Variants in TENT4A observed in about 807,000 individuals in gnomAD.
TENT4A encodes the protein terminal nucleotidyltransferase 4A.
In TENT4A, 7 loss-of-function variants were observed where a neutral mutation model predicts 72.8. That is an observed-to-expected ratio of 0.10 (90% confidence interval 0.05 to 0.18). The LOEUF is 0.18. Ranked by LOEUF, TENT4A falls within the 10% of genes least tolerant of loss-of-function variation. The pLI is 1.00. For missense variants in TENT4A, 831 were observed against 1,017.7 expected (o/e 0.82, Z 2.50); for synonymous variants, 456 against 434.3 (o/e 1.05, Z -0.62).
intron 4 of TENT4A, among the ~76,000 whole-genome samples, chr5:6,741,950 G>A (rs1231873378): frequency 1.3e-5 from 2 of 152,204 alleles, no homozygotes; most frequent in African/African-American, 2.4e-5. Flanking sequence ...ATGCCATTCG[G>A]TGACAGTTCT....
intron 1 of TENT4A, among the ~76,000 whole-genome samples, chr5:6,736,660 C>T (rs1358281217): frequency 1.3e-5 from 2 of 152,242 alleles, no homozygotes; most frequent in African/African-American, 4.8e-5. Flanking sequence ...TAGGCTGGTG[C>T]CACTGGCCAC....
chr5:6,716,921 T>C (rs2126591832), intron 1 of TENT4A, among the ~76,000 whole-genome samples: 1 of 152,344 alleles, frequency 6.6e-6, no homozygotes, highest in Admixed American at 6.5e-5. Context: ...CTTGGGTGCA[T>C]CCGCTTCCTG....
chr5:6,756,458 C>T lies in TENT4A; in HGVS notation c.*1513C>T, dbSNP rs1392767586. ...ACCATGACATCTGATGCATGTGCAG[C>T]AGTGGGGAGTTCTAGATTGATCTCT... On this transcript the variant is annotated 3_prime_UTR_variant, in exon 13 of 13. Coordinates refer to ENST00000230859, the MANE Select transcript of TENT4A (RefSeq NM_006999.6). 2.6e-5 allele frequency: 4 copies of T among 152,498 alleles called. No homozygotes were observed. Among genetic ancestry groups the T allele is most frequent in the Non-Finnish European group, 5.9e-5 (4 of 68,034 alleles). 9.4% of individuals were successfully genotyped at this position (152,498 alleles called of 1,614,324 possible).
At chr5:6,731,726 T>G (rs1340405783) in intron 1 of TENT4A, among the ~76,000 whole-genome samples, 5 of 152,122 alleles carry the variant, frequency 3.3e-5, no homozygotes, top group African/African-American at 1.2e-4. Context: ...GTAACCAGAT[T>G]GGAGGAGGAG....
intron 1 of TENT4A, among the ~76,000 whole-genome samples, chr5:6,736,888 TC>T (rs879938095): frequency 1.3e-5 from 2 of 152,264 alleles, no homozygotes; most frequent in Non-Finnish European, 2.9e-5. Flanking sequence ...AGTATTGAAT[TC>T]GATCAGCTTT....
intron 1 of TENT4A, among the ~76,000 whole-genome samples, chr5:6,727,580 A>G (rs532542163): frequency 1.3e-5 from 2 of 152,128 alleles, no homozygotes; most frequent in African/African-American, 2.4e-5. Context: ...CCTGCTGTCC[A>G]TTGTGCCAGA....
chr5:6,715,122 A>T (rs1740300273), intron 1 of TENT4A: 1 of 153,228 alleles, frequency 6.5e-6, no homozygotes, highest in Non-Finnish European at 1.5e-5. Flanking sequence ...CGTCGAAGGT[A>T]AATATTAACC....
At position 6,743,696 on chromosome 5, in the gene TENT4A, CT is replaced by C. The variant is rs1275981046; in HGVS notation, c.1117-12del. The C allele has an allele frequency of 1.3e-6, 2 of 1,581,134 alleles. No individual in the cohort carries two copies. Among genetic ancestry groups the C allele is most frequent in the Non-Finnish European group, 1.7e-6 (2 of 1,154,742 alleles). ...TGGTAATTACTCAGTAAATCTTTTTCTTTTGGAATTTACAGAAATATTCATT... is the reference window on the plus strand; with the variant it reads ...TGGTAATTACTCAGTAAATCTTTTTCTTTGGAATTTACAGAAATATTCATT... On this transcript the variant is annotated splice_polypyrimidine_tract_variant and intron_variant, in intron 5 of 12. Coordinates refer to ENST00000230859, the MANE Select transcript of TENT4A (RefSeq NM_006999.6).
At position 6,714,640 on chromosome 5, in the gene TENT4A, C is replaced by A; in HGVS notation, c.657C>A (p.Ala219=). Residue 219 remains alanine (A), a synonymous_variant, in exon 1 of 13, where the codon GCC becomes GCA. Coordinates refer to ENST00000230859, the MANE Select transcript of TENT4A (RefSeq NM_006999.6). ...AALSGGGGPG[A]QAPRPGTPWK... ...TCAGCGGAGGGGGCGGCCCCGGGGC[C>A]CAGGCGCCGCGGCCCGGCACCCCGT... The A allele has an allele frequency of 5.0e-6, 6 of 1,199,248 alleles. No individual in the cohort carries two copies. In the Admixed American group the frequency reaches 2.7e-4, roughly 53 times the overall value. 74.3% of individuals were successfully genotyped at this position (1,199,248 alleles called of 1,614,324 possible).
intron 3 of TENT4A, among the ~76,000 whole-genome samples, chr5:6,738,976 A>T (rs1561037483): frequency 1.3e-5 from 2 of 152,236 alleles, no homozygotes. Flanking sequence ...TGCTGGAAAT[A>T]TGAAGAAGAC....
At chr5:6,735,974 G>A (rs762939806) in intron 1 of TENT4A, among the ~76,000 whole-genome samples, 17 of 152,082 alleles carry the variant, frequency 1.1e-4, no homozygotes, top group Non-Finnish European at 2.1e-4. Context: ...TTTTAGTCAG[G>A]ATGGTCTTGA....
chr5:6,746,575 A>G, intron 7 of TENT4A, 148 bp downstream of exon 7: 1 of 640,166 alleles, frequency 1.6e-6, no homozygotes, highest in Non-Finnish European at 2.7e-6. Flanking sequence ...TAATAATCAC[A>G]CTTTGAGAAA....
intron 1 of TENT4A, among the ~76,000 whole-genome samples, chr5:6,736,041 G>A (rs1388248778): frequency 3.9e-5 from 6 of 152,176 alleles, no homozygotes; most frequent in Non-Finnish European, 5.9e-5. Context: ...GATTACAGGC[G>A]TGAGCCACCG....
intron 1 of TENT4A, among the ~76,000 whole-genome samples, chr5:6,726,503 G>A (rs1476799783): frequency 6.6e-6 from 1 of 152,128 alleles, no homozygotes; most frequent in Non-Finnish European, 1.5e-5. Flanking sequence ...TCCTCTGTCT[G>A]TGACTTGTGC....
intron 1 of TENT4A, among the ~76,000 whole-genome samples, chr5:6,716,412 A>G (rs1433693721): frequency 1.3e-5 from 2 of 152,170 alleles, no homozygotes; most frequent in Non-Finnish European, 2.9e-5. Flanking sequence ...CCAGTCTCTC[A>G]TCACATGCTG....
In TENT4A at chr5:6,749,557, T is replaced by C; in HGVS notation, c.1587T>C (p.Ser529=). ...GATCTCCAACAATGTCCCTTTGCAG[T>C]ACTTTAGGAAGAATCATCAAAGTAA... ...ARSYPNRDAE[S]TLGRIIKVTQ... The change falls in exon 9 of 13, where the codon AGT becomes AGC. Residue 529 remains serine (S), a splice_region_variant and synonymous_variant. Coordinates refer to ENST00000230859, the MANE Select transcript of TENT4A (RefSeq NM_006999.6). 1 of 1,605,088 alleles carries C rather than the reference T, an allele frequency of 6.2e-7. No homozygotes were observed. The highest frequency in any genetic ancestry group is 8.5e-7 in the Non-Finnish European group (1 of 1,171,782).
chr5:6,724,256 A>G (rs1382857116), intron 1 of TENT4A, among the ~76,000 whole-genome samples: 1 of 152,228 alleles, frequency 6.6e-6, no homozygotes, highest in African/African-American at 2.4e-5. Context: ...GAGCCACGCA[A>G]GACCTCTGTG....
intron 1 of TENT4A, chr5:6,714,973 A>C: frequency 4.5e-5 from 9 of 198,618 alleles, no homozygotes; most frequent in East Asian, 1.2e-4. Flanking sequence ...TGAGATTGGA[A>C]CGGGAAATCG....
In TENT4A at chr5:6,717,669, G is replaced by T. The variant is rs192546342; in HGVS notation, c.716+2970G>T. Among the ~76,000 whole-genome samples the T allele has an allele frequency of 7.5e-4, 114 of 152,330 alleles. 1 individual carries two copies. The highest frequency in any genetic ancestry group is 9.1e-4 in the Non-Finnish European group (62 of 68,018). On this transcript the variant is annotated intron_variant, in intron 1 of 12. Transcript: ENST00000230859. ...GATTGAAATCTCAAGCCTTTGTTTT[G>T]GGAGTGGTGTGCTTAGCGTGAGCTG...
Sources: allele counts gnomAD v4.1 joint callset (sites outside exome capture counted in the v4.1 genomes callset), GRCh38; gene constraint gnomAD v4.1.1; transcripts MANE v1.5; gene names NCBI Gene and HGNC (gene_info 2026-07-23, HGNC 2026-07-21).